Variants in SCAPER observed in about 807,000 individuals in gnomAD.
SCAPER encodes S-phase cyclin A associated protein in the ER.
SCAPER carries 98 observed loss-of-function variants against 182.2 expected under a neutral mutation model. The observed-to-expected ratio is 0.54, with a 90% CI of 0.46 to 0.64. The LOEUF (loss-of-function observed/expected upper bound fraction) is 0.64, where lower values mean the gene tolerates loss of function less well. Ranked by LOEUF, SCAPER falls within the 30% of genes least tolerant of loss-of-function variation. SCAPER has a pLI of 0.00. For missense variants in SCAPER, 1,432 were observed against 1,690.0 expected, an observed-to-expected ratio of 0.85 and a Z score of 2.68; for synonymous variants, 605 against 564.6, an observed-to-expected ratio of 1.07 and a Z score of -1.01.
chr15:76,412,271 A>G (rs942460668), intron 26 of SCAPER, among the ~76,000 whole-genome samples: 6 of 152,148 alleles, frequency 3.9e-5, no homozygotes, highest in Non-Finnish European at 8.8e-5. Context: ...AGTACATGGC[A>G]TTATACATTT....
chr15:76,489,215 G>T (rs1158673784), intron 24 of SCAPER, among the ~76,000 whole-genome samples: 1 of 135,474 alleles, frequency 7.4e-6, no homozygotes, highest in African/African-American at 2.7e-5. Context: ...AAGTAATTGT[G>T]GTTTTGCCAT....
chr15:76,507,429 G>A (rs1392050571), intron 23 of SCAPER, among the ~76,000 whole-genome samples: 1 of 152,116 alleles, frequency 6.6e-6, no homozygotes, highest in Admixed American at 6.6e-5. Flanking sequence ...CAGGCCCCAA[G>A]CAAACTAATA....
chr15:76,874,051 C>A (rs971426557), intron 2 of SCAPER, among the ~76,000 whole-genome samples: 2 of 152,112 alleles, frequency 1.3e-5, no homozygotes, highest in Non-Finnish European at 2.9e-5. Context: ...CAGCACCACG[C>A]CTGGCTAATT....
At chr15:76,433,658 T>G (rs2047008597) in intron 26 of SCAPER, among the ~76,000 whole-genome samples, 1 of 152,230 alleles carries the variant, frequency 6.6e-6, no homozygotes, top group East Asian at 1.9e-4. Context: ...TCACTAATTG[T>G]CTATCTTTTT....
rs190434657 is a variant in SCAPER at position 76,670,495 on chromosome 15, T to C, written c.2509-4706A>G. On this transcript the variant is annotated intron_variant, in intron 20 of 31. Coordinates refer to ENST00000563290, the MANE Select transcript of SCAPER (RefSeq NM_020843.4). ...GTAGTGCAACAAAATATTCCTATAG[T>C]TCAAATTTAAACAAATAGTCAATTA... 1.1e-3 allele frequency among the ~76,000 whole-genome samples: 160 copies of C among 152,320 alleles called. 3 individuals are homozygous for C. Among genetic ancestry groups the C allele is most frequent in the African/African-American group, 3.8e-3 (157 of 41,578 alleles).
At chr15:76,441,485 A>G (rs997966184) in intron 25 of SCAPER, among the ~76,000 whole-genome samples, 1 of 152,126 alleles carries the variant, frequency 6.6e-6, no homozygotes, top group Non-Finnish European at 1.5e-5. Flanking sequence ...ATTTCCTGCA[A>G]ACTAAAAGCT....
In SCAPER at chr15:76,593,129, G is replaced by A. The variant is rs116285848; in HGVS notation, c.2712-18845C>T. Among the ~76,000 whole-genome samples, 1,049 of 121,608 alleles carry A rather than the reference G, an allele frequency of 8.6e-3. 136 individuals carry two copies. The highest frequency in any genetic ancestry group is 0.024 in the African/African-American group (969 of 39,812). 79.8% of individuals were successfully genotyped at this position (121,608 alleles called of 152,430 possible). A position where few individuals can be genotyped will look rare whatever the true frequency, so the allele number is the denominator to read the frequency against. On this transcript the variant is annotated intron_variant, in intron 22 of 31. Transcript: ENST00000563290. ...AAGTCGACCTGGGAAGCTTGAGCTT[G>A]GTGTGGGGAGGGGTGCCTGCCATTA...
At chr15:76,454,432 T>C (rs2048579661) in intron 25 of SCAPER, among the ~76,000 whole-genome samples, 1 of 152,156 alleles carries the variant, frequency 6.6e-6, no homozygotes, top group African/African-American at 2.4e-5. Context: ...TTTAATTTAT[T>C]TTTGGCTCTT....
chr15:76,846,825 C>T (rs2070134469), intron 4 of SCAPER, among the ~76,000 whole-genome samples: 1 of 152,078 alleles, frequency 6.6e-6, no homozygotes, highest in African/African-American at 2.4e-5. Flanking sequence ...ATAGAGCTAT[C>T]ATATGATCCA....
chr15:76,864,296 C>CA (rs2072103665), intron 2 of SCAPER, among the ~76,000 whole-genome samples: 1 of 152,186 alleles, frequency 6.6e-6, no homozygotes, highest in Non-Finnish European at 1.5e-5. Flanking sequence ...TTATCTACAA[C>CA]TTATTTACTT....
At chr15:76,697,108 A>G (rs2058692966) in intron 20 of SCAPER, among the ~76,000 whole-genome samples, 2 of 152,202 alleles carry the variant, frequency 1.3e-5, no homozygotes, top group South Asian at 4.1e-4. Flanking sequence ...ATGTCAAAGA[A>G]GAAAGGTCAC....
chr15:76,485,916 G>C (rs1022836577), intron 24 of SCAPER, among the ~76,000 whole-genome samples: 1 of 151,890 alleles, frequency 6.6e-6, no homozygotes, highest in Non-Finnish European at 1.5e-5. Flanking sequence ...ATGTAAAACC[G>C]AAAACTATCG....
At chr15:76,767,655 T>G (rs1297159493) in intron 10 of SCAPER, among the ~76,000 whole-genome samples, 2 of 151,522 alleles carry the variant, frequency 1.3e-5, no homozygotes, top group African/African-American at 4.9e-5. Flanking sequence ...AAAACAAACA[T>G]GTGGTTAATA....
At chr15:76,784,433 T>A (rs1286834940) in intron 8 of SCAPER, among the ~76,000 whole-genome samples, 1 of 152,046 alleles carries the variant, frequency 6.6e-6, no homozygotes, top group Non-Finnish European at 1.5e-5. Flanking sequence ...ACAGGAAGAA[T>A]CAATATTGTG....
intron 23 of SCAPER, among the ~76,000 whole-genome samples, chr15:76,542,102 C>G (rs2044806480): frequency 6.6e-6 from 1 of 152,154 alleles, no homozygotes; most frequent in Non-Finnish European, 1.5e-5. Context: ...GCTTATATGA[C>G]CATATCAAAT....
intron 21 of SCAPER, among the ~76,000 whole-genome samples, chr15:76,657,744 G>A (rs990338707): frequency 1.4e-4 from 21 of 151,990 alleles, no homozygotes; most frequent in African/African-American, 5.1e-4. Flanking sequence ...TTATCCCTGG[G>A]ACATAAGGTT....
At chr15:76,870,640 T>A (rs1035572942) in intron 2 of SCAPER, among the ~76,000 whole-genome samples, 1 of 151,728 alleles carries the variant, frequency 6.6e-6, no homozygotes, top group Non-Finnish European at 1.5e-5. Flanking sequence ...AATGAATGGG[T>A]TTAACAAGAA....
chr15:76,557,180 C>T (rs1321658139), intron 23 of SCAPER, among the ~76,000 whole-genome samples: 2 of 152,112 alleles, frequency 1.3e-5, no homozygotes, highest in East Asian at 3.8e-4. Flanking sequence ...GCCATACTGC[C>T]CAAAGCAATT....
chr15:76,854,046 G>T (rs561163233), intron 4 of SCAPER, among the ~76,000 whole-genome samples: 2 of 152,078 alleles, frequency 1.3e-5, no homozygotes, highest in African/African-American at 4.8e-5. Context: ...CGAGGCAGGC[G>T]GATCACGAGG....
Sources: gnomAD v4.1 joint callset for allele counts (sites outside exome capture counted in the v4.1 genomes callset) on GRCh38, gnomAD v4.1.1 for gene constraint, MANE v1.5 for transcripts, NCBI Gene and HGNC (gene_info 2026-07-23, HGNC 2026-07-21) for gene names.